The following SPATA45 variants were observed in gnomAD, a reference collection of about 807,000 sequenced individuals.
The protein encoded by SPATA45 is spermatogenesis-associated protein 45.
A neutral mutation model predicts 7.0 loss-of-function variants in SPATA45; 5 were observed. That is an observed-to-expected ratio of 0.71 (90% confidence interval 0.37 to 1.50). The LOEUF is 1.50. SPATA45 is among the 40% of genes most tolerant of loss of function. SPATA45 has a pLI of 0.03. For missense variants in SPATA45, 111 were observed against 114.9 expected (o/e 0.97, Z 0.16); for synonymous variants, 40 against 38.7 (o/e 1.03, Z -0.13).
chr1:212,836,289 C>T, intron 1 of SPATA45, 102 bp from the exon 2 acceptor site: 1 of 824,748 alleles, frequency 1.2e-6, no homozygotes, highest in South Asian at 1.8e-5. Context: ...TATAAAATAA[C>T]ACCACAACCA....
chr1:212,834,428 C>T (rs1393538781), intron 2 of SPATA45, among the ~76,000 whole-genome samples: 6 of 151,240 alleles, frequency 4.0e-5, no homozygotes, highest in Non-Finnish European at 8.9e-5. Context: ...ACCATGCCAT[C>T]CCCTGCCCCC....
chr1:212,843,011 G>A (rs574510858), intron 1 of SPATA45, among the ~76,000 whole-genome samples: 2 of 151,612 alleles, frequency 1.3e-5, no homozygotes, highest in South Asian at 4.2e-4. Flanking sequence ...GCAGGAGAAT[G>A]GTGTGAACCC....
At chr1:212,842,870 C>T (rs928900458) in intron 1 of SPATA45, among the ~76,000 whole-genome samples, 1 of 150,824 alleles carries the variant, frequency 6.6e-6, no homozygotes, top group African/African-American at 2.4e-5. Context: ...AGGCGGATCA[C>T]TAGGTCAGGA....
At chr1:212,835,386 C>T (rs1458214703) in intron 2 of SPATA45, among the ~76,000 whole-genome samples, 1 of 151,170 alleles carries the variant, frequency 6.6e-6, no homozygotes, top group African/African-American at 2.4e-5. Flanking sequence ...ATCAGTCAGA[C>T]TTCGTGGTGC....
intron 2 of SPATA45, among the ~76,000 whole-genome samples, chr1:212,831,615 T>C (rs1663489502): frequency 6.6e-6 from 1 of 151,486 alleles, no homozygotes; most frequent in Admixed American, 6.6e-5. Context: ...AAGTGGAAGA[T>C]TGAAAAGAGG....
intron 2 of SPATA45, among the ~76,000 whole-genome samples, chr1:212,831,359 T>A (rs1218430746): frequency 1.3e-5 from 2 of 150,102 alleles, no homozygotes; most frequent in African/African-American, 4.9e-5. Context: ...TAGTCCCAGC[T>A]ACTCGGGAGG....
rs186690296 is a variant in SPATA45, at chr1:212,832,191, G to A, written c.278-1930C>T. Among the ~76,000 whole-genome samples the A allele has an allele frequency of 7.6e-4, 113 of 149,070 alleles. 3 individuals are homozygous for A. The highest frequency in any genetic ancestry group is 1.9e-3 in the South Asian group (9 of 4,620). The stretch of plus-strand genomic sequence containing the variant: ...GCACCACCATGCCCAGCTAATTTTT[G>A]TGGGGTTTCACCATGTTGGTCAGGC... On this transcript the variant is annotated intron_variant, in intron 2 of 2. Coordinates refer to ENST00000332912, the MANE Select transcript of SPATA45 (RefSeq NM_001024601.3).
chr1:212,832,663 A>T (rs1663510735), intron 2 of SPATA45, among the ~76,000 whole-genome samples: 1 of 151,578 alleles, frequency 6.6e-6, no homozygotes. Context: ...GGAAAGGAGT[A>T]CAGTGCCTTC....
chr1:212,842,510 T>G (rs971596195), intron 1 of SPATA45, among the ~76,000 whole-genome samples: 1 of 152,200 alleles, frequency 6.6e-6, no homozygotes, highest in Non-Finnish European at 1.5e-5. Context: ...ACCTGACAAC[T>G]GGAGCTAAAT....
intron 2 of SPATA45, among the ~76,000 whole-genome samples, chr1:212,832,015 CTTT>C (rs10645815): frequency 1.1e-5 from 1 of 93,586 alleles, no homozygotes. Context: ...CATTTACTTC[CTTT>C]TTTTTTTTTT....
At chr1:212,835,402 T>G (rs1006564236) in intron 2 of SPATA45, among the ~76,000 whole-genome samples, 1 of 151,472 alleles carries the variant, frequency 6.6e-6, no homozygotes, top group African/African-American at 2.4e-5. Context: ...GGTGCATGCC[T>G]GTAATCCCAG....
intron 2 of SPATA45, 49 bp from the exon 3 acceptor site, chr1:212,830,310 T>G (rs750949960): frequency 8.7e-7 from 1 of 1,144,416 alleles, no homozygotes; most frequent in South Asian, 1.4e-5. Flanking sequence ...TTATAACACA[T>G]TTCATGGTTT....
intron 2 of SPATA45, among the ~76,000 whole-genome samples, chr1:212,832,359 C>CT (rs34934655): frequency 0.1 from 5,835 of 57,200 alleles, 913 homozygotes; most frequent in East Asian, 0.14. Flanking sequence ...GAAATCTAAG[C>CT]TTTTTTTTTT....
chr1:212,844,919 T>G lies in SPATA45; in HGVS notation c.-39+2661A>C, dbSNP rs1197125762. Among the ~76,000 whole-genome samples the G allele has an allele frequency of 2.6e-5, 4 of 152,200 alleles. No homozygotes were observed. The East Asian group carries it at 7.7e-4, about 29-fold the overall frequency. On this transcript the variant is annotated intron_variant, in intron 1 of 2. Coordinates refer to ENST00000332912, the MANE Select transcript of SPATA45 (RefSeq NM_001024601.3). ...ATCCCATCGCTCAGGGCAATGCTTA[T>G]GCTGATAAGGTAACCAAAGAAGCAG...
rs1663575997 is a variant in SPATA45, at chr1:212,835,873, T to C, written c.277A>G (p.Asn93Asp). Residue 93 changes from asparagine (N) to aspartate (D), a missense_variant and splice_region_variant, in exon 2 of 3, where the codon AAT becomes GAT. Coordinates refer to ENST00000332912, the MANE Select transcript of SPATA45 (RefSeq NM_001024601.3). ...AAAAAATCCTATGATAACTTCTTAC[T>C]TTTTGGTGGAAAGTGCTTTCTCTCC... The part of the protein sequence containing the change: ...HMERKHFPPK[N>D]NAIFG 2.5e-6 allele frequency: 4 copies of C among 1,579,378 alleles called. 1 individual carries two copies. In the East Asian group the frequency reaches 9.0e-5, roughly 35 times the overall value.
chr1:212,833,727 C>T (rs1487827882), intron 2 of SPATA45, among the ~76,000 whole-genome samples: 1 of 151,604 alleles, frequency 6.6e-6, no homozygotes, highest in East Asian at 1.9e-4. Flanking sequence ...TGGCTGGGTT[C>T]ATCTGTCCAG....
At chr1:212,833,503 C>CA (rs35760900) in intron 2 of SPATA45, among the ~76,000 whole-genome samples, 36,972 of 108,650 alleles carry the variant, frequency 0.34, 5,839 homozygotes, top group East Asian at 0.38. Flanking sequence ...TACTAAAATA[C>CA]AAAAAAAAAA....
At chr1:212,845,878 T>C (rs900457031) in intron 1 of SPATA45, among the ~76,000 whole-genome samples, 4 of 152,180 alleles carry the variant, frequency 2.6e-5, no homozygotes, top group Non-Finnish European at 5.9e-5. Context: ...AAGAGGACTC[T>C]ATATTTTTAA....
intron 2 of SPATA45, among the ~76,000 whole-genome samples, chr1:212,834,425 C>G (rs1663552003): frequency 6.6e-6 from 1 of 151,178 alleles, no homozygotes; most frequent in Non-Finnish European, 1.5e-5. Context: ...ACCACCATGC[C>G]ATCCCCTGCC....
Sources: gnomAD v4.1 joint callset for allele counts (sites outside exome capture counted in the v4.1 genomes callset) on GRCh38, gnomAD v4.1.1 for gene constraint, MANE v1.5 for transcripts, NCBI Gene and HGNC (gene_info 2026-07-23, HGNC 2026-07-21) for gene names.